The following OTOF variants were observed in gnomAD, a reference collection of about 807,000 sequenced individuals.
The protein encoded by OTOF is fer-1-like family member 2.
A neutral mutation model predicts 236.8 loss-of-function variants in OTOF; 218 were observed. The ratio of observed to expected loss-of-function variants is 0.92; its 90% CI spans 0.82 to 1.03. The LOEUF (loss-of-function observed/expected upper bound fraction) is 1.03. Among genes scored for constraint, OTOF ranks in the 50% least tolerant of loss-of-function variants. The pLI is 0.00. For missense variants in OTOF, 2,590 were observed against 2,694.4 expected, an observed-to-expected ratio of 0.96 and a Z score of 0.86; for synonymous variants, 1,041 against 1,072.5, an observed-to-expected ratio of 0.97 and a Z score of 0.57.
rs1664393609 is a variant in OTOF at position 26,460,162 on chromosome 2, A to T, written c.5857T>A (p.Ser1953Thr). 2 of 1,604,812 alleles carry T rather than the reference A, an allele frequency of 1.2e-6. No individual in the cohort carries two copies. Among genetic ancestry groups the T allele is most frequent in the Non-Finnish European group, 1.7e-6 (2 of 1,176,152 alleles). ...SFIWFLNPLK[S>T]ARYFLWHTYR... ...GTGTGCCACAAGAAGTAGCGAGCCG[A>T]CTTGAGAGGGTTCAGGAACCAGATG... Residue 1953 changes from serine (S) to threonine (T), a missense_variant, in exon 46 of 47, where the codon TCG becomes ACG. By Grantham distance (58) the Ser-to-Thr change is moderately conservative (BLOSUM62 1). This residue lies in a region of OTOF where 1,211 missense variants were observed against 1,352.8 expected (regional missense o/e 0.90). Transcript: ENST00000272371. The surrounding 1 kb of genome is among the most constrained non-coding windows in gnomAD (Gnocchi z 5.3).
At chr2:26,548,690 C>T (rs1572498650) in intron 1 of OTOF, among the ~76,000 whole-genome samples, 3 of 152,246 alleles carry the variant, frequency 2.0e-5, no homozygotes, top group African/African-American at 7.2e-5. Flanking sequence ...TACCATTGTA[C>T]TATGATTGCC....
chr2:26,476,168 C>G lies in OTOF; in HGVS notation c.2826G>C (p.Leu942=). Residue 942 remains leucine, a synonymous_variant, in exon 23 of 47, where the codon CTG becomes CTC. Transcript: ENST00000272371. ...TGACGGGTGGGAAGGCATGCAGGCC[C>G]AGGCCCTGGGCTGCCTTGACCTCCT... The part of the protein sequence containing the change: ...GFQEVKAAQG[L]GLHAFPPVSL... 6.2e-7 allele frequency: 1 copy of G among 1,611,178 alleles called. No individual in the cohort carries two copies. The highest frequency in any genetic ancestry group is 8.5e-7 in the Non-Finnish European group (1 of 1,179,660).
At chr2:26,546,962 C>G (rs183369322) in intron 1 of OTOF, among the ~76,000 whole-genome samples, 29 of 152,278 alleles carry the variant, frequency 1.9e-4, no homozygotes, top group Non-Finnish European at 3.8e-4. Flanking sequence ...GATAGTTTTA[C>G]TTCTTCCTTT....
intron 1 of OTOF, among the ~76,000 whole-genome samples, chr2:26,553,923 A>C (rs1386361315): frequency 1.3e-5 from 2 of 152,156 alleles, no homozygotes; most frequent in Non-Finnish European, 2.9e-5. Flanking sequence ...CTGTAATCCC[A>C]GCACTTTGGG....
At chr2:26,497,089 CT>C (rs201349303) in intron 8 of OTOF, among the ~76,000 whole-genome samples, 706 of 97,542 alleles carry the variant, frequency 7.2e-3, no homozygotes, top group Non-Finnish European at 8.7e-3. Flanking sequence ...GTACATTCTT[CT>C]TTTTTTTTTT....
chr2:26,473,193 G>T lies in OTOF; in HGVS notation c.3672C>A (p.Ser1224Arg). 6.2e-7 allele frequency: 1 copy of T among 1,613,160 alleles called. No individual in the cohort carries two copies. Among genetic ancestry groups the T allele is most frequent in the Non-Finnish European group, 8.5e-7 (1 of 1,180,014 alleles). The change falls in exon 29 of 47, where the codon AGC (serine) becomes AGA (arginine). Residue 1224 changes from serine to arginine, a missense_variant. Physicochemically the swap from Ser to Arg is moderately radical, Grantham distance 110 (BLOSUM62 -1). This residue lies in a region of OTOF where 1,211 missense variants were observed against 1,352.8 expected (regional missense o/e 0.90). Transcript: ENST00000272371. The surrounding 1 kb of genome is among the most constrained non-coding windows in gnomAD (Gnocchi z 7.2). ...RYTLVGSHAV[S>R]SLRRFIYRPP... Reference sequence around the variant, plus strand: ...GCCGGTAGATGAAGCGTCGCAGGGAGCTGACGGCATGGGAGCCCACCAGTG... The same window carrying T: ...GCCGGTAGATGAAGCGTCGCAGGGATCTGACGGCATGGGAGCCCACCAGTG...
chr2:26,493,849 G>A (rs1393351660), intron 9 of OTOF, among the ~76,000 whole-genome samples: 1 of 152,142 alleles, frequency 6.6e-6, no homozygotes, highest in Non-Finnish European at 1.5e-5. Flanking sequence ...AGTGGGGGAG[G>A]GACTTGCACA....
chr2:26,553,077 A>G (rs1667502472), intron 1 of OTOF, among the ~76,000 whole-genome samples: 1 of 152,168 alleles, frequency 6.6e-6, no homozygotes, highest in African/African-American at 2.4e-5. Flanking sequence ...TACTGGGGAA[A>G]ATAAATGTAA....
intron 2 of OTOF, among the ~76,000 whole-genome samples, chr2:26,537,423 A>T (rs2148122465): frequency 6.6e-6 from 1 of 152,282 alleles, no homozygotes; most frequent in Non-Finnish European, 1.5e-5. Context: ...CTTTCTCCAC[A>T]GGGAATAACA....
chr2:26,518,122 C>G (rs551656960), intron 4 of OTOF, among the ~76,000 whole-genome samples: 50 of 152,348 alleles, frequency 3.3e-4, no homozygotes, highest in African/African-American at 1.0e-3. Context: ...GAGGCTGTTT[C>G]TCTTGGCCAC....
chr2:26,515,586 A>C (rs1666503650), intron 5 of OTOF, among the ~76,000 whole-genome samples: 1 of 152,214 alleles, frequency 6.6e-6, no homozygotes, highest in African/African-American at 2.4e-5. Flanking sequence ...GACTGAGTAA[A>C]CTTTACTTGG....
At chr2:26,514,757 G>T (rs1558508915) in intron 5 of OTOF, among the ~76,000 whole-genome samples, 3 of 152,144 alleles carry the variant, frequency 2.0e-5, no homozygotes, top group African/African-American at 7.2e-5. Context: ...GACTTAATGG[G>T]CCTTAGCTCT....
intron 6 of OTOF, 34 bp downstream of exon 6, chr2:26,503,738 C>T: frequency 3.1e-6 from 5 of 1,592,310 alleles, no homozygotes; most frequent in East Asian, 2.2e-5. Flanking sequence ...CCGCGAGGCG[C>T]GGGGCTGCGG....
rs1013594965 is a variant in OTOF, at chr2:26,483,621, G to A, written c.1233C>T (p.Pro411=). 1.9e-6 allele frequency: 3 copies of A among 1,612,856 alleles called. No individual in the cohort carries two copies. Among genetic ancestry groups the A allele is most frequent in the Non-Finnish European group, 2.5e-6 (3 of 1,179,938 alleles). ...EGNLLLPEGV[P]PERQWARFYV... ...AGAACCGGGCCCACTGGCGTTCGGG[G>A]GGCACCCCCTCGGGGAGCAGCAAGT... The change falls in exon 13 of 47, where the codon CCC becomes CCT. Residue 411 remains proline, a synonymous_variant. Coordinates refer to ENST00000272371, the MANE Select transcript of OTOF (RefSeq NM_194248.3).
chr2:26,504,826 G>A (rs1554481), intron 5 of OTOF, among the ~76,000 whole-genome samples: 50,672 of 151,980 alleles, frequency 0.33, 9,247 homozygotes, highest in South Asian at 0.4. Context: ...TCCACTTCCC[G>A]TTCTCCCTCC....
chr2:26,531,938 C>T (rs943144285), intron 2 of OTOF, among the ~76,000 whole-genome samples: 5 of 151,764 alleles, frequency 3.3e-5, no homozygotes, highest in African/African-American at 4.8e-5. Context: ...TACTAAAATA[C>T]AAAAATTAGC....
Position 26,473,919 on chromosome 2 carries a change from G to T in OTOF, c.3408+72C>A. 6.3e-7 allele frequency: 1 copy of T among 1,587,264 alleles called. No homozygotes were observed. Among genetic ancestry groups the T allele is most frequent in the South Asian group, 1.1e-5 (1 of 90,268 alleles). ...CTGGTGATGGTGGTGGGAGGGGGAT[G>T]ACAAGCCACTTCCCCTCCTGGGTCC... is the stretch of plus-strand genomic sequence containing the variant. On this transcript the variant is annotated intron_variant, in intron 27 of 46. Coordinates refer to ENST00000272371, the MANE Select transcript of OTOF (RefSeq NM_194248.3). The surrounding 1 kb of genome is among the most constrained non-coding windows in gnomAD (Gnocchi z 7.2).
In OTOF at chr2:26,484,561, A is replaced by G; in HGVS notation, c.1118T>C (p.Val373Ala). 1 of 1,613,942 alleles carries G rather than the reference A, an allele frequency of 6.2e-7. No individual in the cohort carries two copies. The highest frequency in any genetic ancestry group is 1.1e-5 in the South Asian group (1 of 91,084). Residue 373 changes from valine to alanine, a missense_variant, in exon 12 of 47, where the codon GTG becomes GCG. Val to Ala is a moderately conservative substitution (Grantham distance 64, BLOSUM62 0). This residue lies in a region of OTOF where 1,379 missense variants were observed against 1,341.6 expected (regional missense o/e 1.03). Transcript: ENST00000272371. The part of the protein sequence containing the change: ...DDISSGLKGY[V>A]KCDVAVVGKG... ...GCCCACCACGGCAACGTCACACTTC[A>G]CGTAGCCCTTCAGCCCCGAGGAGAT... is the stretch of plus-strand genomic sequence containing the variant.
At chr2:26,557,923 C>T (rs1003408387) in intron 1 of OTOF, among the ~76,000 whole-genome samples, 2 of 151,840 alleles carry the variant, frequency 1.3e-5, no homozygotes, top group African/African-American at 4.8e-5. Flanking sequence ...TAAATGGTCG[C>T]TGAATACAGG....
Sources: allele counts gnomAD v4.1 joint callset (sites outside exome capture counted in the v4.1 genomes callset), GRCh38; gene constraint gnomAD v4.1.1; regional missense constraint gnomAD v4.1.1; non-coding constraint Gnocchi (gnomAD v3.1); transcripts MANE v1.5; gene names NCBI Gene and HGNC (gene_info 2026-07-23, HGNC 2026-07-21).